The following NCKAP5 variants were observed in gnomAD, a reference collection of about 807,000 sequenced individuals.
NCKAP5 encodes the protein NCK associated protein 5.
A neutral mutation model predicts 167.0 loss-of-function variants in NCKAP5; 92 were observed. The ratio of observed to expected loss-of-function variants is 0.55; its 90% CI spans 0.47 to 0.66. NCKAP5 has a LOEUF of 0.66. NCKAP5 is among the 30% of genes least tolerant of loss of function. The pLI is 0.00. For synonymous variants in NCKAP5, 891 were observed against 877.4 expected (o/e 1.02, Z -0.27); for missense variants, 2,378 against 2,315.0 (o/e 1.03, Z -0.56).
At chr2:133,277,498 A>G (rs2089777970) in intron 4 of NCKAP5, among the ~76,000 whole-genome samples, 1 of 152,148 alleles carries the variant, frequency 6.6e-6, no homozygotes, top group Non-Finnish European at 1.5e-5. Flanking sequence ...AAACTCCTGT[A>G]AATCACAAAA....
chr2:133,320,747 GA>G (rs911510696), intron 3 of NCKAP5, among the ~76,000 whole-genome samples: 1 of 151,800 alleles, frequency 6.6e-6, no homozygotes, highest in Non-Finnish European at 1.5e-5. Flanking sequence ...CAAAAAAAAA[GA>G]AAAGAAAAAG....
chr2:132,955,561 T>C (rs2076316295), intron 8 of NCKAP5, among the ~76,000 whole-genome samples: 1 of 152,244 alleles, frequency 6.6e-6, no homozygotes, highest in Non-Finnish European at 1.5e-5. Flanking sequence ...TTATCATTGA[T>C]GGGCATTTGG....
intron 2 of NCKAP5, among the ~76,000 whole-genome samples, chr2:133,533,418 T>C (rs1332229731): frequency 6.6e-6 from 1 of 152,246 alleles, no homozygotes; most frequent in Non-Finnish European, 1.5e-5. Flanking sequence ...GTGCAACCTA[T>C]AGACTACACT....
chr2:132,689,924 G>T (rs1686500081), intron 19 of NCKAP5, among the ~76,000 whole-genome samples: 1 of 152,018 alleles, frequency 6.6e-6, no homozygotes, highest in South Asian at 2.1e-4. Flanking sequence ...ATATTCCTTA[G>T]TATCTGCAGC....
chr2:133,671,837 C>T, the NCKAP5 span, among the ~76,000 whole-genome samples: 1 of 152,170 alleles, frequency 6.6e-6, no homozygotes, highest in African/African-American at 2.4e-5. Flanking sequence ...AAACATGCTG[C>T]CATGCCCTGT....
intron 11 of NCKAP5, among the ~76,000 whole-genome samples, chr2:132,837,554 T>C (rs1276198781): frequency 1.4e-5 from 2 of 146,944 alleles, no homozygotes; most frequent in Admixed American, 1.4e-4. Flanking sequence ...CTTTGTATAG[T>C]ACAATTTTTT....
At chr2:133,495,437 G>A (rs925042376) in intron 3 of NCKAP5, among the ~76,000 whole-genome samples, 3 of 133,324 alleles carry the variant, frequency 2.3e-5, no homozygotes, top group Non-Finnish European at 3.3e-5. Flanking sequence ...GACGCTTAGT[G>A]CAGTAGGCAC....
chr2:132,970,144 C>T (rs1031894433), intron 7 of NCKAP5, among the ~76,000 whole-genome samples: 1 of 152,106 alleles, frequency 6.6e-6, no homozygotes, highest in Non-Finnish European at 1.5e-5. Flanking sequence ...TTGGATTTAT[C>T]CTACACTCAT....
the NCKAP5 span, chr2:133,596,408 G>A: frequency 1.3e-5 from 2 of 152,260 alleles, no homozygotes; most frequent in Non-Finnish European, 2.9e-5. Context: ...TGGGAGCAGT[G>A]ATAAGGATGA....
intron 3 of NCKAP5, among the ~76,000 whole-genome samples, chr2:133,345,957 C>A (rs1377445893): frequency 6.6e-6 from 1 of 152,104 alleles, no homozygotes; most frequent in African/African-American, 2.4e-5. Context: ...ACTAGAAGAA[C>A]AATTATTTGA....
chr2:133,559,822 C>T (rs755466675), intron 1 of NCKAP5, among the ~76,000 whole-genome samples: 5 of 152,138 alleles, frequency 3.3e-5, no homozygotes, highest in Non-Finnish European at 4.4e-5. Flanking sequence ...CCTGGTCTAA[C>T]GTACCATGAT....
chr2:133,375,731 A>G (rs1686098639), intron 3 of NCKAP5, among the ~76,000 whole-genome samples: 1 of 152,212 alleles, frequency 6.6e-6, no homozygotes, highest in South Asian at 2.1e-4. Flanking sequence ...GCTAAGGATA[A>G]TGGTCTCCAG....
At chr2:133,155,872 T>C (rs1423953197) in intron 5 of NCKAP5, among the ~76,000 whole-genome samples, 1 of 152,228 alleles carries the variant, frequency 6.6e-6, no homozygotes, top group Non-Finnish European at 1.5e-5. Context: ...TCTGCAATCA[T>C]GTGAGCCAAA....
the NCKAP5 span, among the ~76,000 whole-genome samples, chr2:133,666,385 A>G: frequency 6.6e-6 from 1 of 151,510 alleles, no homozygotes; most frequent in Non-Finnish European, 1.5e-5. Flanking sequence ...TTTAGTAGGG[A>G]CGGGGTTTCA....
At chr2:133,535,288 C>T (rs1685674281) in intron 2 of NCKAP5, among the ~76,000 whole-genome samples, 1 of 151,920 alleles carries the variant, frequency 6.6e-6, no homozygotes, top group Non-Finnish European at 1.5e-5. Context: ...CTTCCACCTC[C>T]CATCCTCCCT....
At chr2:133,110,764 G>A (rs1369346370) in intron 6 of NCKAP5, among the ~76,000 whole-genome samples, 5 of 152,126 alleles carry the variant, frequency 3.3e-5, no homozygotes, top group African/African-American at 9.7e-5. Context: ...ATTCTCACAC[G>A]CTGTGTTAGT....
At chr2:133,604,137 C>CATG in the NCKAP5 span, among the ~76,000 whole-genome samples, 1 of 152,172 alleles carries the variant, frequency 6.6e-6, no homozygotes. Flanking sequence ...GGGAGAGAAA[C>CATG]ATGCAAATAT....
Position 133,502,853 on chromosome 2 carries a change from G to T in NCKAP5, c.69+14605C>A, listed in dbSNP as rs180792170. Among the ~76,000 whole-genome samples, 6 of 152,372 alleles carry T rather than the reference G, an allele frequency of 3.9e-5. No homozygotes were observed. In the East Asian group the frequency reaches 1.2e-3, roughly 29 times the overall value. The stretch of plus-strand genomic sequence containing the variant: ...AATGAAAGAATGAATGAATGAATGA[G>T]TGGCAAGCTTCCAAGTGTGCCTGGG... On this transcript the variant is annotated intron_variant, in intron 3 of 19. Transcript: ENST00000409261.
At chr2:132,799,269 G>A (rs13004887) in intron 11 of NCKAP5, among the ~76,000 whole-genome samples, 33,489 of 151,640 alleles carry the variant, frequency 0.22, 4,319 homozygotes, top group African/African-American at 0.36. Context: ...AAGAAAGGGG[G>A]GAATGGGTTG....
Sources: allele counts gnomAD v4.1 joint callset (sites outside exome capture counted in the v4.1 genomes callset), GRCh38; gene constraint gnomAD v4.1.1; transcripts MANE v1.5; gene names NCBI Gene and HGNC (gene_info 2026-07-23, HGNC 2026-07-21).